The following LAMA2 variants were observed in gnomAD, a reference collection of about 807,000 sequenced individuals.
The protein encoded by LAMA2 is laminin subunit alpha-2.
Under a neutral mutation model 364.8 loss-of-function variants are expected in LAMA2, and 269 were observed. The ratio of observed to expected loss-of-function variants is 0.74; its 90% CI spans 0.67 to 0.82. The LOEUF (loss-of-function observed/expected upper bound fraction) is 0.82. Ranked by LOEUF, LAMA2 falls within the 40% of genes least tolerant of loss-of-function variation. The pLI is 0.00. For missense variants in LAMA2, 3,807 were observed against 3,873.2 expected (o/e 0.98, Z 0.45); for synonymous variants, 1,379 against 1,370.6 (o/e 1.01, Z -0.14).
chr6:128,997,809 G>A (rs1432046225), intron 1 of LAMA2, among the ~76,000 whole-genome samples: 1 of 151,958 alleles, frequency 6.6e-6, no homozygotes, highest in Non-Finnish European at 1.5e-5. Context: ...GAAAAAAAAA[G>A]TTTATACCTG....
At chr6:129,476,503 T>C (rs987963907) in intron 53 of LAMA2, among the ~76,000 whole-genome samples, 1 of 152,194 alleles carries the variant, frequency 6.6e-6, no homozygotes. Flanking sequence ...GTGGTTACCA[T>C]TGAGTCCAGT....
chr6:129,224,107 A>G (rs977833164), intron 12 of LAMA2, among the ~76,000 whole-genome samples: 3 of 152,156 alleles, frequency 2.0e-5, no homozygotes, highest in Non-Finnish European at 2.9e-5. Context: ...CTTTGAAGCA[A>G]TTGTGAATAG....
At chr6:129,089,932 T>A (rs1406326025) in intron 3 of LAMA2, among the ~76,000 whole-genome samples, 1 of 152,174 alleles carries the variant, frequency 6.6e-6, no homozygotes, top group Non-Finnish European at 1.5e-5. Flanking sequence ...TTTGAAAGAA[T>A]TATTAAAGCA....
chr6:129,232,746 A>C (rs1784746758), intron 12 of LAMA2, among the ~76,000 whole-genome samples: 2 of 152,216 alleles, frequency 1.3e-5, no homozygotes, highest in Middle Eastern at 3.4e-3. Context: ...AATGTGACTA[A>C]GTTTAAGAAC....
intron 37 of LAMA2, among the ~76,000 whole-genome samples, chr6:129,399,759 T>G (rs371719705): frequency 2.2e-4 from 33 of 152,146 alleles, no homozygotes; most frequent in Non-Finnish European, 4.0e-4. Flanking sequence ...ACTAGTTGTA[T>G]GTACCTGGCA....
At chr6:129,206,050 AGGAAG>A (rs148493751) in intron 12 of LAMA2, among the ~76,000 whole-genome samples, 9,121 of 126,768 alleles carry the variant, frequency 0.072, 669 homozygotes, top group African/African-American at 0.16. Context: ...AAAGAAAAAA[AGGAAG>A]GGAAGGGAAG....
chr6:129,141,915 TC>T (rs750453954), intron 4 of LAMA2, among the ~76,000 whole-genome samples: 13 of 152,046 alleles, frequency 8.6e-5, no homozygotes, highest in Non-Finnish European at 1.8e-4. Flanking sequence ...CAGTTCAAAA[TC>T]TACCACTCAA....
chr6:129,407,216 A>G (rs1780291819), intron 40 of LAMA2, among the ~76,000 whole-genome samples: 1 of 152,198 alleles, frequency 6.6e-6, no homozygotes, highest in Admixed American at 6.5e-5. Context: ...ACACCCAGGA[A>G]CAATACTTTG....
chr6:128,884,693 A>G (rs767361140), intron 1 of LAMA2, among the ~76,000 whole-genome samples: 15 of 152,188 alleles, frequency 9.9e-5, no homozygotes, highest in Non-Finnish European at 2.1e-4. Context: ...CTTAATTAAT[A>G]TAATTTACGA....
chr6:128,980,207 T>C (rs1240492730), intron 1 of LAMA2, among the ~76,000 whole-genome samples: 1 of 152,184 alleles, frequency 6.6e-6, no homozygotes, highest in African/African-American at 2.4e-5. Flanking sequence ...AAGAGAAATA[T>C]GGTGATTTTA....
At chr6:129,159,358 A>C (rs1212484231) in intron 8 of LAMA2, among the ~76,000 whole-genome samples, 3 of 152,206 alleles carry the variant, frequency 2.0e-5, no homozygotes, top group African/African-American at 7.2e-5. Context: ...ATTCCAAGAC[A>C]GTATTAAACT....
At chr6:129,492,880 G>A (rs761999739) in intron 58 of LAMA2, among the ~76,000 whole-genome samples, 5 of 152,174 alleles carry the variant, frequency 3.3e-5, no homozygotes, top group South Asian at 2.1e-4. Flanking sequence ...TAGGCCAGGC[G>A]CGGTGGCTCA....
chr6:129,278,006 A>G (rs1788445300), intron 17 of LAMA2, among the ~76,000 whole-genome samples: 2 of 152,224 alleles, frequency 1.3e-5, no homozygotes, highest in Admixed American at 1.3e-4. Flanking sequence ...GTTCAAGACC[A>G]GCCCGGCCAA....
intron 1 of LAMA2, among the ~76,000 whole-genome samples, chr6:128,895,246 CCTT>C (rs1232906852): frequency 6.6e-6 from 1 of 152,062 alleles, no homozygotes; most frequent in Non-Finnish European, 1.5e-5. Context: ...TATCATCTGC[CCTT>C]CTTAATTTCC....
chr6:129,469,401 C>G (rs576486875), intron 51 of LAMA2, among the ~76,000 whole-genome samples: 2 of 151,938 alleles, frequency 1.3e-5, no homozygotes, highest in East Asian at 3.9e-4. Context: ...CCATGTGATA[C>G]CATTACACAG....
At chr6:129,312,514 A>G (rs1399937899) in intron 22 of LAMA2, among the ~76,000 whole-genome samples, 1 of 152,204 alleles carries the variant, frequency 6.6e-6, no homozygotes, top group Non-Finnish European at 1.5e-5. Context: ...ATTATGAGAT[A>G]ATAAGGTAAA....
At chr6:129,352,982 T>A (rs1176975070) in intron 31 of LAMA2, among the ~76,000 whole-genome samples, 182 bp from the exon 32 acceptor site, 1 of 152,116 alleles carries the variant, frequency 6.6e-6, no homozygotes, top group Non-Finnish European at 1.5e-5. Flanking sequence ...CACGGCATAA[T>A]CTTGATTTTT....
At chr6:128,981,110 G>T (rs1782834879) in intron 1 of LAMA2, among the ~76,000 whole-genome samples, 1 of 151,984 alleles carries the variant, frequency 6.6e-6, no homozygotes, top group South Asian at 2.1e-4. Context: ...CATTCTTTCT[G>T]TTCCTCACAG....
intron 12 of LAMA2, among the ~76,000 whole-genome samples, chr6:129,211,340 G>A (rs1257568952): frequency 2.6e-5 from 4 of 151,830 alleles, no homozygotes; most frequent in South Asian, 4.2e-4. Context: ...TTCAAGCTAC[G>A]TAATTTCTTA....
Sources: allele counts gnomAD v4.1 joint callset (sites outside exome capture counted in the v4.1 genomes callset), GRCh38; gene constraint gnomAD v4.1.1; transcripts MANE v1.5; gene names NCBI Gene and HGNC (gene_info 2026-07-23, HGNC 2026-07-21).